The following KIFAP3 variants were observed in gnomAD, a reference collection of about 807,000 sequenced individuals.
The protein encoded by KIFAP3 is kinesin associated protein 3.
A neutral mutation model predicts 106.5 loss-of-function variants in KIFAP3; 68 were observed. The ratio of observed to expected loss-of-function variants is 0.64; its 90% CI spans 0.53 to 0.78. KIFAP3 has a LOEUF of 0.78. Ranked by LOEUF, KIFAP3 falls within the 30% of genes least tolerant of loss-of-function variation. The probability of loss-of-function intolerance (pLI) is 0.00; values close to 1 mark genes in which losing one functional copy is unlikely to be tolerated. For synonymous variants in KIFAP3, 320 were observed against 311.5 expected (o/e 1.03, Z -0.29); for missense variants, 780 against 941.8 (o/e 0.83, Z 2.25).
intron 1 of KIFAP3, among the ~76,000 whole-genome samples, chr1:170,061,286 A>C (rs1202627395): frequency 2.0e-5 from 3 of 151,778 alleles, no homozygotes; most frequent in African/African-American, 7.2e-5. Flanking sequence ...TAATATCCAG[A>C]ATCTACAATG....
chr1:170,009,146 C>A (rs1474256377), intron 10 of KIFAP3, among the ~76,000 whole-genome samples: 2 of 152,030 alleles, frequency 1.3e-5, no homozygotes, highest in African/African-American at 4.8e-5. Flanking sequence ...GGAGAAATAC[C>A]TAATGTAGAT....
chr1:170,065,926 C>T (rs995691050), intron 1 of KIFAP3, among the ~76,000 whole-genome samples: 1 of 152,086 alleles, frequency 6.6e-6, no homozygotes. Context: ...GACTGACATA[C>T]TTAGATTCAG....
chr1:170,058,993 C>T (rs948458646), intron 1 of KIFAP3, among the ~76,000 whole-genome samples: 3 of 152,148 alleles, frequency 2.0e-5, no homozygotes, highest in Middle Eastern at 3.4e-3. Flanking sequence ...CACAAAGAAC[C>T]AGAATCTCTG....
intron 10 of KIFAP3, among the ~76,000 whole-genome samples, chr1:170,005,053 G>C (rs1667874780): frequency 6.6e-6 from 1 of 151,604 alleles, no homozygotes; most frequent in South Asian, 2.1e-4. Flanking sequence ...CAAAGGATAT[G>C]AACAGACACT....
chr1:169,961,017 A>G, intron 18 of KIFAP3, 29 bp downstream of exon 18: 1 of 1,586,362 alleles, frequency 6.3e-7, no homozygotes, highest in South Asian at 1.1e-5. Flanking sequence ...AGCATATAAT[A>G]AACTGTTTAC....
intron 19 of KIFAP3, among the ~76,000 whole-genome samples, chr1:169,931,505 T>C (rs1277055457): frequency 1.3e-5 from 2 of 152,194 alleles, no homozygotes; most frequent in African/African-American, 4.8e-5. Context: ...GTATGCCATC[T>C]AGTCATCTTT....
intron 10 of KIFAP3, among the ~76,000 whole-genome samples, chr1:170,006,570 T>C (rs531205184): frequency 3.3e-5 from 5 of 152,208 alleles, no homozygotes; most frequent in South Asian, 4.1e-4. Flanking sequence ...ATTTTGAAGA[T>C]AGAGCTGACT....
intron 3 of KIFAP3, among the ~76,000 whole-genome samples, chr1:170,046,245 A>G (rs551064723): frequency 6.6e-6 from 1 of 151,104 alleles, no homozygotes; most frequent in East Asian, 1.9e-4. Context: ...CAGAGAAAAT[A>G]AAGATTCATG....
chr1:170,051,300 A>C (rs1284771813), intron 2 of KIFAP3, among the ~76,000 whole-genome samples: 3 of 152,212 alleles, frequency 2.0e-5, no homozygotes, highest in African/African-American at 7.2e-5. Context: ...TCTCCTAAAT[A>C]TATATGCACC....
intron 18 of KIFAP3, 77 bp from the exon 19 acceptor site, chr1:169,954,187 AATAACTTGT>A: frequency 1.2e-6 from 1 of 828,254 alleles, no homozygotes; most frequent in Non-Finnish European, 2.0e-6. Flanking sequence ...ACAATAAGAA[AATAACTTGT>A]ATATTTAATC....
chr1:170,004,997 A>C (rs1320523006), intron 10 of KIFAP3, among the ~76,000 whole-genome samples: 1 of 152,160 alleles, frequency 6.6e-6, no homozygotes, highest in Non-Finnish European at 1.5e-5. Flanking sequence ...CAATGAACCC[A>C]AACAAATTTA....
intron 19 of KIFAP3, among the ~76,000 whole-genome samples, chr1:169,944,106 G>A (rs1363181862): frequency 6.6e-6 from 1 of 152,150 alleles, no homozygotes; most frequent in Non-Finnish European, 1.5e-5. Flanking sequence ...TGCCCACTAG[G>A]CCCGATAGGC....
At chr1:169,939,312 G>A (rs1383613911) in intron 19 of KIFAP3, among the ~76,000 whole-genome samples, 1 of 152,118 alleles carries the variant, frequency 6.6e-6, no homozygotes, top group Non-Finnish European at 1.5e-5. Flanking sequence ...TGGAGAGAGA[G>A]GGTAATGGTG....
upstream of KIFAP3, among the ~76,000 whole-genome samples, chr1:170,077,263 G>A (rs556324888): frequency 1.3e-5 from 2 of 152,258 alleles, no homozygotes; most frequent in Non-Finnish European, 2.9e-5. Flanking sequence ...ATTTTGTAAA[G>A]TTGAATAGGC....
At chr1:169,979,654 A>T (rs1376358450) in intron 15 of KIFAP3, among the ~76,000 whole-genome samples, 1 of 152,096 alleles carries the variant, frequency 6.6e-6, no homozygotes. Flanking sequence ...GATGTGGAAA[A>T]ATTGCAGCTC....
Position 169,989,998 on chromosome 1 carries a change from G to A in KIFAP3, c.1284+2157C>T, listed in dbSNP as rs148318169. The A allele has an allele frequency of 2.7e-5, 40 of 1,505,236 alleles. No homozygotes were observed. In the Admixed American group the frequency reaches 3.8e-4, roughly 14 times the overall value. 93.2% of individuals were successfully genotyped at this position (1,505,236 alleles called of 1,614,324 possible). A position where few individuals can be genotyped will look rare whatever the true frequency, so the allele number is the denominator to read the frequency against. ...CAAGAGGAATTACCTTCATAAGTAC[G>A]ATTTGTTCATATTCTTCTAACAAAA... On this transcript the variant is annotated intron_variant, in intron 11 of 19. Coordinates refer to ENST00000361580, the MANE Select transcript of KIFAP3 (RefSeq NM_014970.4).
chr1:169,982,836 G>C lies in KIFAP3; in HGVS notation c.1538C>G (p.Ser513Cys). 6.2e-7 allele frequency: 1 copy of C among 1,602,580 alleles called. No individual in the cohort carries two copies. ...DYVGDLAAQI[S>C]NDEEEEFVIE... is the part of the protein sequence containing the mutation. ...CACAAACTCCTCTTCTTCATCATTA[G>C]AGATCTGGGCTGCAAGGTCCCCAAC... Residue 513 changes from serine to cysteine, a missense_variant, in exon 14 of 20, where the codon TCT becomes TGT. Ser to Cys is a moderately radical substitution (Grantham distance 112). Around this residue, in one of 3 missense-constraint regions of KIFAP3, gnomAD observed 588 missense variants for 678.9 expected, o/e 0.87. Coordinates refer to ENST00000361580, the MANE Select transcript of KIFAP3 (RefSeq NM_014970.4).
chr1:169,941,252 C>G (rs1255900361), intron 19 of KIFAP3, among the ~76,000 whole-genome samples: 1 of 152,048 alleles, frequency 6.6e-6, no homozygotes, highest in Non-Finnish European at 1.5e-5. Context: ...TCTGAAAAGG[C>G]CCTGTGAGTG....
At chr1:169,992,586 T>C (rs1432679036) in intron 10 of KIFAP3, among the ~76,000 whole-genome samples, 2 of 152,166 alleles carry the variant, frequency 1.3e-5, no homozygotes, top group Admixed American at 1.3e-4. Flanking sequence ...TTTATCAAAA[T>C]ATGTGATTAA....
Sources: allele counts gnomAD v4.1 joint callset (sites outside exome capture counted in the v4.1 genomes callset), GRCh38; gene constraint gnomAD v4.1.1; regional missense constraint gnomAD v4.1.1; transcripts MANE v1.5; gene names NCBI Gene and HGNC (gene_info 2026-07-23, HGNC 2026-07-21).